CAND1: variants seen among roughly 807,000 people sequenced by gnomAD.
The protein encoded by CAND1 is cullin-associated NEDD8-dissociated protein 1.
CAND1 carries 7 observed loss-of-function variants against 108.5 expected under a neutral mutation model. The observed-to-expected ratio is 0.06, with a 90% confidence interval of 0.04 to 0.12. The LOEUF (loss-of-function observed/expected upper bound fraction) is 0.12, where lower values mean the gene tolerates loss of function less well. Among genes scored for constraint, CAND1 ranks in the 10% least tolerant of loss-of-function variants. CAND1 has a pLI of 1.00. For synonymous variants in CAND1, 534 were observed against 512.0 expected, an observed-to-expected ratio of 1.04 and a Z score of -0.58; for missense variants, 941 against 1,448.7, an observed-to-expected ratio of 0.65 and a Z score of 5.69.
Position 67,310,132 on chromosome 12 carries a change from G to T in CAND1, c.3196-20G>T. ...TGACTTAAGTATTGTATATCCACAC[G>T]TTCTTTTTTGCTTTAACAGGTAGAA... On this transcript the variant is annotated intron_variant, in intron 12 of 14. Coordinates refer to ENST00000545606, the MANE Select transcript of CAND1 (RefSeq NM_018448.5). 6.2e-7 allele frequency: 1 copy of T among 1,610,464 alleles called. No homozygotes were observed. The highest frequency in any genetic ancestry group is 8.5e-7 in the Non-Finnish European group (1 of 1,177,726).
intron 11 of CAND1, among the ~76,000 whole-genome samples, chr12:67,309,560 A>T (rs186753541): frequency 2.5e-4 from 38 of 152,134 alleles, no homozygotes; most frequent in African/African-American, 9.1e-4. Flanking sequence ...AGGAGAATCA[A>T]GCATGTGATT....
chr12:67,308,023 A>G (rs953699549), intron 11 of CAND1, among the ~76,000 whole-genome samples: 3 of 152,028 alleles, frequency 2.0e-5, no homozygotes, highest in South Asian at 2.1e-4. Flanking sequence ...GGGCTTCTCT[A>G]TTTCTGTGAA....
chr12:67,297,541 T>C lies in CAND1; in HGVS notation c.626T>C (p.Ile209Thr), dbSNP rs769071966. Residue 209 changes from isoleucine (I) to threonine (T), a missense_variant, in exon 5 of 15, where the codon ATA (isoleucine) becomes ACA (threonine). Physicochemically the swap from Ile to Thr is moderately conservative, Grantham distance 89. Around this residue, in one of 9 missense-constraint regions of CAND1, gnomAD observed 697 missense variants for 942.0 expected, o/e 0.74. Coordinates refer to ENST00000545606, the MANE Select transcript of CAND1 (RefSeq NM_018448.5). ...CATCTGGTTATGAGCTGTGGAAATA[T>C]AGTTTTTGTAGATCTTATTGAACAT... ...LGHLVMSCGN[I>T]VFVDLIEHLL... is the part of the protein sequence containing the mutation. The C allele has an allele frequency of 2.8e-5, 45 of 1,614,044 alleles. No individual in the cohort carries two copies. Among genetic ancestry groups the C allele is most frequent in the South Asian group, 1.1e-4 (10 of 91,082 alleles).
intron 1 of CAND1, among the ~76,000 whole-genome samples, chr12:67,281,243 T>C (rs2044617217): frequency 6.6e-6 from 1 of 151,524 alleles, no homozygotes; most frequent in African/African-American, 2.4e-5. Context: ...GGCAGGAAAA[T>C]AGCTTGAACC....
chr12:67,279,938 G>GTGTTT (rs2044604662), intron 1 of CAND1, among the ~76,000 whole-genome samples: 2 of 152,186 alleles, frequency 1.3e-5, no homozygotes, highest in Non-Finnish European at 2.9e-5. Context: ...TTTTGTTTAA[G>GTGTTT]TAAAACAGTT....
intron 1 of CAND1, chr12:67,270,309 T>C (rs2044507989): frequency 6.5e-6 from 1 of 153,360 alleles, no homozygotes; most frequent in East Asian, 1.9e-4. Context: ...ACTTTTGCGC[T>C]CTTGGCTGAT....
At chr12:67,281,024 T>C (rs1042692919) in intron 1 of CAND1, among the ~76,000 whole-genome samples, 4 of 152,074 alleles carry the variant, frequency 2.6e-5, no homozygotes, top group Non-Finnish European at 5.9e-5. Context: ...GTGGATTCCC[T>C]GAGGTCAGGA....
intron 1 of CAND1, chr12:67,270,017 A>T (rs1196790528): frequency 8.0e-6 from 4 of 498,622 alleles, no homozygotes; most frequent in Non-Finnish European, 7.0e-6. Flanking sequence ...CGCGGTCTCT[A>T]GGCCCCGTTT....
Position 67,292,604 on chromosome 12 carries a change from T to G in CAND1, c.213-18T>G. The G allele has an allele frequency of 6.4e-7, 1 of 1,565,376 alleles. No individual in the cohort carries two copies. The highest frequency in any genetic ancestry group is 8.6e-7 in the Non-Finnish European group (1 of 1,158,120). Reference sequence around the variant, plus strand: ...GCTTATCTAGCTTTTTTTAAACAATTTCTTCTTTGTATTACAGTCTTGGTC... The same window carrying G: ...GCTTATCTAGCTTTTTTTAAACAATGTCTTCTTTGTATTACAGTCTTGGTC... On this transcript the variant is annotated intron_variant, in intron 2 of 14. Transcript: ENST00000545606.
In CAND1 at chr12:67,304,725, C is replaced by G; in HGVS notation, c.1414C>G (p.His472Asp). The G allele has an allele frequency of 6.2e-7, 1 of 1,613,868 alleles. No individual in the cohort carries two copies. Among genetic ancestry groups the G allele is most frequent in the Non-Finnish European group, 8.5e-7 (1 of 1,179,898 alleles). ...VNVLPGALTQHIPVLVPGIIF... is the reference protein window; with the variant it reads ...VNVLPGALTQDIPVLVPGIIF... The stretch of plus-strand genomic sequence containing the variant: ...TGTATTACCTGGGGCCCTAACTCAA[C>G]ACATTCCTGTACTTGTACCAGGTAT... Residue 472 changes from histidine to aspartate, a missense_variant, in exon 9 of 15, where the codon CAC (histidine) becomes GAC (aspartate). Physicochemically the swap from His to Asp is moderately conservative, Grantham distance 81. Around this residue, in one of 9 missense-constraint regions of CAND1, gnomAD observed 697 missense variants for 942.0 expected, o/e 0.74. Transcript: ENST00000545606.
chr12:67,311,822 C>G, intron 14 of CAND1, 22 bp downstream of exon 14: 1 of 1,405,836 alleles, frequency 7.1e-7, no homozygotes, highest in Non-Finnish European at 1.0e-6. Flanking sequence ...TAAGTATCAA[C>G]CTAGGTCAGA....
intron 3 of CAND1, among the ~76,000 whole-genome samples, chr12:67,294,003 C>G (rs550436000): frequency 2.1e-3 from 317 of 152,102 alleles, no homozygotes; most frequent in Non-Finnish European, 4.0e-3. Flanking sequence ...AATCCATTTT[C>G]TTTTAATCGA....
intron 1 of CAND1, among the ~76,000 whole-genome samples, chr12:67,271,467 G>A (rs537423221): frequency 3.9e-5 from 6 of 152,286 alleles, no homozygotes; most frequent in African/African-American, 1.4e-4. Flanking sequence ...TGTTCAACTA[G>A]TCATTCTCCT....
At chr12:67,309,467 TGG>T (rs1378422298) in intron 11 of CAND1, among the ~76,000 whole-genome samples, 3 of 151,998 alleles carry the variant, frequency 2.0e-5, no homozygotes, top group African/African-American at 7.2e-5. Context: ...TATTAAGCAG[TGG>T]GTCTGTCTTC....
At position 67,299,995 on chromosome 12, in the gene CAND1, C is replaced by A. The variant is rs117732634; in HGVS notation, c.1000+900C>A. Among the ~76,000 whole-genome samples the A allele has an allele frequency of 1.3e-3, 198 of 152,250 alleles. 2 individuals are homozygous for A. Among genetic ancestry groups the A allele is most frequent in the Admixed American group, 2.1e-3 (32 of 15,300 alleles). ...CATATACTCCTCTAGCAGCTGCTGC[C>A]TAGTTTCTCTCCTCCACAACAGAGC... On this transcript the variant is annotated intron_variant, in intron 7 of 14. Transcript: ENST00000545606.
At chr12:67,278,359 G>A (rs2044589187) in intron 1 of CAND1, among the ~76,000 whole-genome samples, 1 of 152,080 alleles carries the variant, frequency 6.6e-6, no homozygotes, top group Non-Finnish European at 1.5e-5. Context: ...GTTTCACCAT[G>A]TTGTCCAGGC....
At chr12:67,298,725 C>T (rs781398965) in intron 6 of CAND1, among the ~76,000 whole-genome samples, 31 of 152,028 alleles carry the variant, frequency 2.0e-4, no homozygotes, top group African/African-American at 5.8e-4. Flanking sequence ...TAGTTAAAAT[C>T]GGGATTAGGG....
At chr12:67,275,104 A>G (rs945939715) in intron 1 of CAND1, among the ~76,000 whole-genome samples, 3 of 152,154 alleles carry the variant, frequency 2.0e-5, no homozygotes, top group Non-Finnish European at 4.4e-5. Context: ...CTTGATATAT[A>G]CTATGCTAAC....
At position 67,310,258 on chromosome 12, in the gene CAND1, A is replaced by G. The variant is rs778399781; in HGVS notation, c.3302A>G (p.Asp1101Gly). The G allele has an allele frequency of 6.8e-6, 11 of 1,611,390 alleles. No individual in the cohort carries two copies. The highest frequency in any genetic ancestry group is 1.1e-5 in the South Asian group (1 of 90,916). ...TLLDSCLDRL[D>G]IFEFLNHVED... is the part of the protein sequence containing the mutation. ...CTAGACAGTTGTCTTGATAGACTTG[A>G]TATCTTTGAATTTCTAAATCATGTT... Residue 1101 changes from aspartate to glycine, a missense_variant, in exon 13 of 15, where the codon GAT (aspartate) becomes GGT (glycine). Around this residue, in one of 9 missense-constraint regions of CAND1, gnomAD observed 14 missense variants for 16.2 expected, o/e 0.87. Coordinates refer to ENST00000545606, the MANE Select transcript of CAND1 (RefSeq NM_018448.5).
Sources: allele counts gnomAD v4.1 joint callset (sites outside exome capture counted in the v4.1 genomes callset), GRCh38; gene constraint gnomAD v4.1.1; regional missense constraint gnomAD v4.1.1; transcripts MANE v1.5; gene names NCBI Gene and HGNC (gene_info 2026-07-23, HGNC 2026-07-21).